Variants in CACNG1 observed in about 807,000 individuals in gnomAD.
The protein encoded by CACNG1 is voltage-dependent calcium channel gamma-1 subunit.
A neutral mutation model predicts 22.0 loss-of-function variants in CACNG1; 21 were observed. The ratio of observed to expected loss-of-function variants is 0.95; its 90% CI spans 0.68 to 1.37. The LOEUF (loss-of-function observed/expected upper bound fraction) is 1.37, where lower values mean the gene tolerates loss of function less well. CACNG1 is among the 40% of genes most tolerant of loss of function. The pLI, the probability that CACNG1 is intolerant of heterozygous loss-of-function variation, is 0.00. For missense variants in CACNG1, 291 were observed against 308.6 expected, an observed-to-expected ratio of 0.94 and a Z score of 0.43; for synonymous variants, 127 against 129.2, an observed-to-expected ratio of 0.98 and a Z score of 0.12.
intron 1 of CACNG1, among the ~76,000 whole-genome samples, chr17:67,047,859 C>T (rs959298358): frequency 6.6e-6 from 1 of 151,858 alleles, no homozygotes; most frequent in African/African-American, 2.4e-5. Flanking sequence ...CTGAGAAGGC[C>T]CTAAGCACTC....
At position 67,054,997 on chromosome 17, in the gene CACNG1, A is replaced by G; in HGVS notation, c.305-106A>G. The G allele has an allele frequency of 8.4e-7, 1 of 1,188,158 alleles. No homozygotes were observed. Among genetic ancestry groups the G allele is most frequent in the South Asian group, 1.5e-5 (1 of 65,956 alleles). 73.6% of individuals were successfully genotyped at this position (1,188,158 alleles called of 1,614,324 possible). ...ACACTTGACACACACACAATGACACACACAGACACTGACACACACACTGTG... is the reference window on the plus strand; with the variant it reads ...ACACTTGACACACACACAATGACACGCACAGACACTGACACACACACTGTG... On this transcript the variant is annotated intron_variant, in intron 2 of 3. Transcript: ENST00000226021. The surrounding 1 kb of genome is among the most constrained non-coding windows in gnomAD (Gnocchi z 4.6).
Position 67,044,702 on chromosome 17 carries a change from C to T in CACNG1, c.42C>T (p.Phe14=). The change falls in exon 1 of 4, where the codon TTC becomes TTT. Residue 14 remains phenylalanine, a synonymous_variant. Coordinates refer to ENST00000226021, the MANE Select transcript of CACNG1 (RefSeq NM_000727.4). The surrounding 1 kb of genome is among the most constrained non-coding windows in gnomAD (Gnocchi z 6.9). ...TKMLKVRVTL[F]CILAGIVLAM... is the part of the protein sequence containing the mutation. Reference sequence around the variant, plus strand: ...TGCTGAAGGTCCGCGTGACCCTCTTCTGCATCCTGGCAGGCATCGTGCTGG... The same window carrying T: ...TGCTGAAGGTCCGCGTGACCCTCTTTTGCATCCTGGCAGGCATCGTGCTGG... The T allele has an allele frequency of 1.2e-6, 2 of 1,610,988 alleles. No homozygotes were observed. The highest frequency in any genetic ancestry group is 4.5e-5 in the East Asian group (2 of 44,866).
rs2035743468 is a variant in CACNG1, at chr17:67,054,050, T to G, written c.284T>G (p.Phe95Cys). 4 of 1,613,956 alleles carry G rather than the reference T, an allele frequency of 2.5e-6. No homozygotes were observed. The African/African-American group carries it at 5.3e-5, about 22-fold the overall frequency. Reference sequence around the variant, plus strand: ...AACCCCGGCGAGAGCTCGGAGATCTTCGAATTCACCACTCAGAAGGGTGAG... The same window carrying G: ...AACCCCGGCGAGAGCTCGGAGATCTGCGAATTCACCACTCAGAAGGGTGAG... ...HFNPGESSEI[F>C]EFTTQKEYSI... is the part of the protein sequence containing the mutation. Residue 95 changes from phenylalanine to cysteine, a missense_variant, in exon 2 of 4, where the codon TTC becomes TGC. Coordinates refer to ENST00000226021, the MANE Select transcript of CACNG1 (RefSeq NM_000727.4). The surrounding 1 kb of genome is among the most constrained non-coding windows in gnomAD (Gnocchi z 4.6).
Position 67,053,907 on chromosome 17 carries a change from C to T in CACNG1, c.230-89C>T, listed in dbSNP as rs758304324. 1.5e-5 allele frequency: 14 copies of T among 914,688 alleles called. No homozygotes were observed. In the East Asian group the frequency reaches 2.4e-4, roughly 16 times the overall value. The allele number at this position is 914,688 out of a possible 1,614,324, so 56.7% of individuals were successfully genotyped here. ...GAGGCTGCCAGAGCCCCCTGCATGC[C>T]GAGCAGAATGACACCACGCTCTCTG... On this transcript the variant is annotated intron_variant, in intron 1 of 3. Coordinates refer to ENST00000226021, the MANE Select transcript of CACNG1 (RefSeq NM_000727.4).
At chr17:67,045,734 G>A (rs977493071) in intron 1 of CACNG1, among the ~76,000 whole-genome samples, 1 of 151,986 alleles carries the variant, frequency 6.6e-6, no homozygotes, top group African/African-American at 2.4e-5. Flanking sequence ...TGTTGGTCAG[G>A]CTGGTCTCGA....
At position 67,045,991 on chromosome 17, in the gene CACNG1, G is replaced by C. The variant is rs2035694849; in HGVS notation, c.229+1102G>C. 2.0e-5 allele frequency among the ~76,000 whole-genome samples: 3 copies of C among 152,206 alleles called. No individual in the cohort carries two copies. In the South Asian group the frequency reaches 6.2e-4, roughly 32 times the overall value. ...GGTAAGGTCCTTTTCAGGAGTACCTGGTAGTCGCGTGACTAGCCTCTATTC... is the reference window on the plus strand; with the variant it reads ...GGTAAGGTCCTTTTCAGGAGTACCTCGTAGTCGCGTGACTAGCCTCTATTC... On this transcript the variant is annotated intron_variant, in intron 1 of 3. Transcript: ENST00000226021.
At chr17:67,052,122 C>A (rs1207727673) in intron 1 of CACNG1, among the ~76,000 whole-genome samples, 2 of 152,210 alleles carry the variant, frequency 1.3e-5, no homozygotes, top group South Asian at 2.1e-4. Flanking sequence ...AGCCAATAAT[C>A]TAACAAATAG....
intron 1 of CACNG1, among the ~76,000 whole-genome samples, chr17:67,053,170 G>A (rs548139547): frequency 2.0e-5 from 3 of 152,034 alleles, no homozygotes; most frequent in African/African-American, 4.8e-5. Context: ...GGGCTGTCTC[G>A]CAAAGACCAG....
intron 1 of CACNG1, among the ~76,000 whole-genome samples, chr17:67,045,527 T>A (rs902102413): frequency 1.0e-3 from 151 of 146,292 alleles, no homozygotes; most frequent in Non-Finnish European, 1.9e-3. Context: ...CCACCTTCTT[T>A]TTTTTTTTTT....
Position 67,052,650 on chromosome 17 carries a change from G to C in CACNG1, c.230-1346G>C, listed in dbSNP as rs56713431. ...ATCCACAGGAAAAGAAATCAATGAA[G>C]GGCCTCCACAAATAAAAAGCAAACT... On this transcript the variant is annotated intron_variant, in intron 1 of 3. Coordinates refer to ENST00000226021, the MANE Select transcript of CACNG1 (RefSeq NM_000727.4). Among the ~76,000 whole-genome samples, 5 of 152,234 alleles carry C rather than the reference G, an allele frequency of 3.3e-5. No individual in the cohort carries two copies. In the East Asian group the frequency reaches 7.7e-4, roughly 24 times the overall value.
intron 1 of CACNG1, among the ~76,000 whole-genome samples, chr17:67,051,539 A>C (rs549224397): frequency 1.3e-5 from 2 of 152,312 alleles, no homozygotes; most frequent in Admixed American, 1.3e-4. Context: ...CAGTTCAGCC[A>C]TGTAAGAGTG....
chr17:67,049,165 C>T (rs1174875596), intron 1 of CACNG1, among the ~76,000 whole-genome samples: 5 of 152,088 alleles, frequency 3.3e-5, no homozygotes, highest in African/African-American at 7.2e-5. Flanking sequence ...ATCTTAAAAA[C>T]GGAAAGAAAC....
intron 1 of CACNG1, among the ~76,000 whole-genome samples, chr17:67,048,027 C>T (rs2035706888): frequency 6.6e-6 from 1 of 152,102 alleles, no homozygotes; most frequent in Non-Finnish European, 1.5e-5. Flanking sequence ...TAATTGGTCA[C>T]TAAGCTAATT....
intron 1 of CACNG1, among the ~76,000 whole-genome samples, chr17:67,047,963 G>A (rs2035706488): frequency 6.6e-6 from 1 of 152,144 alleles, no homozygotes; most frequent in South Asian, 2.1e-4. Flanking sequence ...TATGCACAGA[G>A]CCCCTCAGTA....
rs1023668166 is a variant in CACNG1 at position 67,055,029 on chromosome 17, G to A, written c.305-74G>A. ...CACTGACACACACACTGTGGTGCATGGTGTGGTCCCTAACGAGCCATGACA... is the reference window on the plus strand; with the variant it reads ...CACTGACACACACACTGTGGTGCATAGTGTGGTCCCTAACGAGCCATGACA... On this transcript the variant is annotated intron_variant, in intron 2 of 3. Coordinates refer to ENST00000226021, the MANE Select transcript of CACNG1 (RefSeq NM_000727.4). The surrounding 1 kb of genome is among the most constrained non-coding windows in gnomAD (Gnocchi z 4.5). 37 of 1,463,992 alleles carry A rather than the reference G, an allele frequency of 2.5e-5. No homozygotes were observed. In the Admixed American group the frequency reaches 3.4e-4, roughly 14 times the overall value. 90.7% of individuals were successfully genotyped at this position (1,463,992 alleles called of 1,614,324 possible).
intron 1 of CACNG1, among the ~76,000 whole-genome samples, chr17:67,052,272 C>T (rs1041664807): frequency 6.6e-6 from 1 of 152,190 alleles, no homozygotes; most frequent in African/African-American, 2.4e-5. Flanking sequence ...TAGAAGCACA[C>T]AGAGAAGGCT....
chr17:67,054,616 GACAC>G lies in CACNG1; in HGVS notation c.305-481_305-478del, dbSNP rs1424236769. On this transcript the variant is annotated intron_variant, in intron 2 of 3. Transcript: ENST00000226021. The surrounding 1 kb of genome is among the most constrained non-coding windows in gnomAD (Gnocchi z 4.6). ...GTGGGCAGACACACAGACACACACT[GACAC>G]ACACAGACACACACAACACAGATAC... Among the ~76,000 whole-genome samples, 1 of 151,738 alleles carries G rather than the reference GACAC, an allele frequency of 6.6e-6. No individual in the cohort carries two copies. The highest frequency in any genetic ancestry group is 2.4e-5 in the African/African-American group (1 of 41,262).
At chr17:67,045,024 G>C in intron 1 of CACNG1, 135 bp downstream of exon 1, 1 of 704,216 alleles carries the variant, frequency 1.4e-6, no homozygotes, top group Middle Eastern at 2.4e-4. Flanking sequence ...TTCTGCCCAG[G>C]GAAGAAGATA....
At chr17:67,050,296 C>T (rs1044154844) in intron 1 of CACNG1, among the ~76,000 whole-genome samples, 11 of 152,236 alleles carry the variant, frequency 7.2e-5, no homozygotes, top group African/African-American at 2.7e-4. Context: ...AGGCCTAGGC[C>T]AAAGCCAGGC....
Sources: allele counts gnomAD v4.1 joint callset (sites outside exome capture counted in the v4.1 genomes callset), GRCh38; gene constraint gnomAD v4.1.1; non-coding constraint Gnocchi (gnomAD v3.1); transcripts MANE v1.5; gene names NCBI Gene and HGNC (gene_info 2026-07-23, HGNC 2026-07-21).